Variants in PICALM observed in about 807,000 individuals in gnomAD.
PICALM encodes phosphatidylinositol-binding clathrin assembly protein.
A neutral mutation model predicts 80.5 loss-of-function variants in PICALM; 40 were observed. The observed-to-expected ratio is 0.50, with a 90% confidence interval of 0.39 to 0.65. The LOEUF is 0.65. Among genes scored for constraint, PICALM ranks in the 30% least tolerant of loss-of-function variants. The probability of loss-of-function intolerance (pLI) is 0.00; values close to 1 mark genes in which losing one functional copy is unlikely to be tolerated. For synonymous variants in PICALM, 288 were observed against 260.3 expected (o/e 1.11, Z -1.02); for missense variants, 676 against 778.9 (o/e 0.87, Z 1.57).
At chr11:86,042,716 A>T (rs1409024888) in intron 1 of PICALM, among the ~76,000 whole-genome samples, 1 of 151,554 alleles carries the variant, frequency 6.6e-6, no homozygotes, top group East Asian at 1.9e-4. Context: ...CTCATTTCCT[A>T]AGCAAAATGA....
At chr11:85,960,625 A>C in intron 19 of PICALM, 1 of 735,614 alleles carries the variant, frequency 1.4e-6, no homozygotes, top group Non-Finnish European at 2.1e-6. Context: ...AATGTTTGGT[A>C]ATTGTTTTTA....
At chr11:85,993,171 G>A (rs886426577) in intron 12 of PICALM, among the ~76,000 whole-genome samples, 1 of 150,278 alleles carries the variant, frequency 6.7e-6, no homozygotes, top group African/African-American at 2.5e-5. Flanking sequence ...CTGCAGCCTC[G>A]ACCTTTCTGT....
chr11:86,050,755 T>C (rs2096172813), intron 1 of PICALM, among the ~76,000 whole-genome samples: 1 of 152,112 alleles, frequency 6.6e-6, no homozygotes, highest in Admixed American at 6.5e-5. Context: ...GATCCCCCAA[T>C]ATGAACAACA....
intron 4 of PICALM, among the ~76,000 whole-genome samples, chr11:86,021,426 T>C (rs1396650309): frequency 1.3e-5 from 2 of 149,956 alleles, no homozygotes; most frequent in African/African-American, 2.5e-5. Flanking sequence ...TCAATATCAT[T>C]AGCCATCAGG....
intron 9 of PICALM, 72 bp downstream of exon 9, chr11:86,003,294 G>C: frequency 1.3e-6 from 1 of 767,004 alleles, no homozygotes; most frequent in Non-Finnish European, 2.2e-6. Context: ...AAACAGCTTG[G>C]AACTTGAGCT....
At chr11:86,033,208 C>T (rs1056207805) in intron 1 of PICALM, among the ~76,000 whole-genome samples, 16 of 152,068 alleles carry the variant, frequency 1.1e-4, no homozygotes, top group African/African-American at 2.9e-4. Flanking sequence ...TCAGTTTCAA[C>T]GACAGTACTT....
chr11:85,967,538 T>G (rs1333278299), intron 19 of PICALM, among the ~76,000 whole-genome samples: 2 of 152,196 alleles, frequency 1.3e-5, no homozygotes, highest in Non-Finnish European at 2.9e-5. Context: ...CCTATGGTAC[T>G]ACATCCCAAT....
intron 17 of PICALM, among the ~76,000 whole-genome samples, chr11:85,979,273 T>C (rs2135660622): frequency 6.6e-6 from 1 of 152,138 alleles, no homozygotes; most frequent in African/African-American, 2.4e-5. Flanking sequence ...GTGGATCACT[T>C]GAGGTCAGCA....
intron 1 of PICALM, among the ~76,000 whole-genome samples, chr11:86,064,716 T>C (rs1158345648): frequency 6.7e-6 from 1 of 148,634 alleles, no homozygotes; most frequent in Non-Finnish European, 1.5e-5. Flanking sequence ...CAGTGAAATA[T>C]GTCAAAATAT....
intron 1 of PICALM, among the ~76,000 whole-genome samples, chr11:86,065,800 C>A (rs1328991118): frequency 2.0e-5 from 3 of 152,148 alleles, no homozygotes; most frequent in Non-Finnish European, 2.9e-5. Context: ...AATCTTTCTT[C>A]AGTAAGTATA....
chr11:86,030,478 T>C (rs1382813206), intron 2 of PICALM, among the ~76,000 whole-genome samples: 1 of 152,046 alleles, frequency 6.6e-6, no homozygotes, highest in Non-Finnish European at 1.5e-5. Context: ...CGGGCTGCAT[T>C]TTTCTAAGGC....
At chr11:85,977,660 T>C (rs992559584) in intron 17 of PICALM, among the ~76,000 whole-genome samples, 1 of 152,172 alleles carries the variant, frequency 6.6e-6, no homozygotes, top group African/African-American at 2.4e-5. Flanking sequence ...TATTGGTCTC[T>C]CCCTACTTAA....
At chr11:85,982,424 T>A (rs868416476) in intron 14 of PICALM, among the ~76,000 whole-genome samples, 1 of 28,826 alleles carries the variant, frequency 3.5e-5, no homozygotes. Context: ...TTTTATAGAC[T>A]TTTTTTTTTT....
chr11:86,048,751 G>A (rs1319006007), intron 1 of PICALM, among the ~76,000 whole-genome samples: 1 of 148,992 alleles, frequency 6.7e-6, no homozygotes, highest in Non-Finnish European at 1.5e-5. Context: ...AGAATCGCTT[G>A]AACCTGGGAG....
chr11:86,000,701 C>T lies in PICALM; in HGVS notation c.1096G>A (p.Gly366Arg). ...TAASPVSTSA[G>R]GIMTAPAIDI... ...ATGGCTGGTGCAGTCATTATCCCTC[C>T]TGCTGAGGTGGATACAGGAGAGGCT... Residue 366 changes from glycine to arginine, a missense_variant, in exon 11 of 20, where the codon GGA becomes AGA. Coordinates refer to ENST00000393346, the MANE Select transcript of PICALM (RefSeq NM_007166.4). 6.2e-7 allele frequency: 1 copy of T among 1,612,608 alleles called. No homozygotes were observed. Among genetic ancestry groups the T allele is most frequent in the Non-Finnish European group, 8.5e-7 (1 of 1,179,638 alleles).
rs59046409 is a variant in PICALM at position 86,039,411 on chromosome 11, ATAAAT to A, written c.131-7805_131-7801del. Among the ~76,000 whole-genome samples, 1,189 of 152,228 alleles carry A rather than the reference ATAAAT, an allele frequency of 7.8e-3. 15 individuals are homozygous for A. The highest frequency in any genetic ancestry group is 0.027 in the African/African-American group (1,111 of 41,514). The stretch of plus-strand genomic sequence containing the variant: ...AGTGACACTCTGTGTCTAAAAAAAA[ATAAAT>A]TAAAATAAATTTTAAAAGGCAATCC... On this transcript the variant is annotated intron_variant, in intron 1 of 19. Coordinates refer to ENST00000393346, the MANE Select transcript of PICALM (RefSeq NM_007166.4).
upstream of PICALM, chr11:86,069,338 C>T (rs1331206910): frequency 1.3e-5 from 2 of 159,742 alleles, no homozygotes; most frequent in Non-Finnish European, 2.8e-5. Flanking sequence ...CAACAGGTCG[C>T]CTGAGGCTCG....
chr11:85,995,800 A>C (rs1266913017), intron 12 of PICALM, among the ~76,000 whole-genome samples: 1 of 152,210 alleles, frequency 6.6e-6, no homozygotes, highest in African/African-American at 2.4e-5. Context: ...CTGCTTTCTT[A>C]ATCTTAATTT....
chr11:86,026,966 G>A (rs534012588), intron 2 of PICALM, among the ~76,000 whole-genome samples: 7 of 152,216 alleles, frequency 4.6e-5, no homozygotes, highest in African/African-American at 9.6e-5. Flanking sequence ...AGACATACAA[G>A]TATCTATAAA....
Sources: allele counts gnomAD v4.1 joint callset (sites outside exome capture counted in the v4.1 genomes callset), GRCh38; gene constraint gnomAD v4.1.1; transcripts MANE v1.5; gene names NCBI Gene and HGNC (gene_info 2026-07-23, HGNC 2026-07-21).